The following TMEM213 variants were observed in gnomAD, a reference collection of about 807,000 sequenced individuals.
The protein encoded by TMEM213 is transmembrane protein 213.
TMEM213 carries 7 observed loss-of-function variants against 11.6 expected under a neutral mutation model. The ratio of observed to expected loss-of-function variants is 0.60; its 90% confidence interval spans 0.34 to 1.13. The LOEUF is 1.13. Ranked by LOEUF, TMEM213 falls within the 50% of genes most tolerant of loss-of-function variation. The pLI is 0.03. For missense variants in TMEM213, 129 were observed against 139.0 expected, an observed-to-expected ratio of 0.93 and a Z score of 0.36; for synonymous variants, 60 against 58.3, an observed-to-expected ratio of 1.03 and a Z score of -0.13.
Position 138,798,302 on chromosome 7 carries a change from G to A in TMEM213, c.82+116G>A, listed in dbSNP as rs372305831. On this transcript the variant is annotated intron_variant, in intron 1 of 2. Coordinates refer to ENST00000442682, the MANE Select transcript of TMEM213 (RefSeq NM_001085429.2). ...ATTCTTTGGCCAGGGTTGGTCCTGC[G>A]CAAAGGAAGGAGGAAACAGAACTTT... 1.9e-4 allele frequency: 122 copies of A among 647,478 alleles called. No homozygotes were observed. The African/African-American group carries it at 2.5e-3, about 13-fold the overall frequency. The allele number at this position is 647,478 out of a possible 1,614,324, so 40.1% of individuals were successfully genotyped here.
chr7:138,805,413 G>C lies in TMEM213; in HGVS notation c.*2344G>C, dbSNP rs1316677405. 7.0e-6 allele frequency: 1 copy of C among 143,366 alleles called. No homozygotes were observed. Among genetic ancestry groups the C allele is most frequent in the African/African-American group, 2.6e-5 (1 of 38,856 alleles). The allele number at this position is 143,366 out of a possible 1,614,324, so 8.9% of individuals were successfully genotyped here. A position where few individuals can be genotyped will look rare whatever the true frequency, so the allele number is the denominator to read the frequency against. ...CTGTCTGGAAAAAAAAAAAAAAAAAGCGTCTGCATAATTCCTGGTGCATTT... is the reference window on the plus strand; with the variant it reads ...CTGTCTGGAAAAAAAAAAAAAAAAACCGTCTGCATAATTCCTGGTGCATTT... On this transcript the variant is annotated 3_prime_UTR_variant, in exon 3 of 3. Transcript: ENST00000442682.
Position 138,802,953 on chromosome 7 carries a change from T to C in TMEM213, c.208T>C (p.Tyr70His). The C allele has an allele frequency of 6.2e-7, 1 of 1,611,930 alleles. No individual in the cohort carries two copies. Among genetic ancestry groups the C allele is most frequent in the Non-Finnish European group, 8.5e-7 (1 of 1,179,288 alleles). The change falls in exon 3 of 3, where the codon TAC becomes CAC. Residue 70 changes from tyrosine to histidine, a missense_variant. Transcript: ENST00000442682. ...ARCCRTGVDE[Y>H]GWIAAAVGWS... ...GTGCTGCCGCACAGGAGTGGACGAG[T>C]ACGGCTGGATCGCGGCAGCTGTTGG...
intron 1 of TMEM213, chr7:138,799,485 T>C (rs1226875007): frequency 6.6e-6 from 1 of 152,208 alleles, no homozygotes; most frequent in African/African-American, 2.4e-5. Flanking sequence ...TTTAAATTCT[T>C]AGGAATTTTC....
In TMEM213 at chr7:138,802,876, T is replaced by C. The variant is rs747102756; in HGVS notation, c.155-24T>C. Reference sequence around the variant, plus strand: ...GCAGGGCTGGTGGTGCATGCCGTCGTCCTTGCTGTCCCTTCCCCACCAGAC... The same window carrying C: ...GCAGGGCTGGTGGTGCATGCCGTCGCCCTTGCTGTCCCTTCCCCACCAGAC... On this transcript the variant is annotated intron_variant, in intron 2 of 2. Coordinates refer to ENST00000442682, the MANE Select transcript of TMEM213 (RefSeq NM_001085429.2). 15 of 1,531,202 alleles carry C rather than the reference T, an allele frequency of 9.8e-6. No individual in the cohort carries two copies. The South Asian group carries it at 1.9e-4, about 20-fold the overall frequency. 94.9% of individuals were successfully genotyped at this position (1,531,202 alleles called of 1,614,324 possible).
chr7:138,802,092 G>A (rs1808965771), intron 2 of TMEM213, among the ~76,000 whole-genome samples: 1 of 152,062 alleles, frequency 6.6e-6, no homozygotes, highest in Non-Finnish European at 1.5e-5. Context: ...CTTGAACCTG[G>A]GAGGCAGAGG....
chr7:138,805,185 T>TA lies in TMEM213; in HGVS notation c.*2120dup, dbSNP rs1809056478. On this transcript the variant is annotated 3_prime_UTR_variant, in exon 3 of 3. Coordinates refer to ENST00000442682, the MANE Select transcript of TMEM213 (RefSeq NM_001085429.2). The stretch of plus-strand genomic sequence containing the variant: ...CCTAAGTGTTAAATGATCACATACA[T>TA]AAAAGAGTCTGAGCCTGAGCAACAT... 1 of 140,686 alleles carries TA rather than the reference T, an allele frequency of 7.1e-6. No homozygotes were observed. The highest frequency in any genetic ancestry group is 2.7e-5 in the African/African-American group (1 of 36,584). 8.7% of individuals were successfully genotyped at this position (140,686 alleles called of 1,614,324 possible). A position where few individuals can be genotyped will look rare whatever the true frequency, so the allele number is the denominator to read the frequency against.
chr7:138,800,217 GGGTCTA>G (rs1177950498), intron 1 of TMEM213, among the ~76,000 whole-genome samples: 1 of 152,112 alleles, frequency 6.6e-6, no homozygotes, highest in Non-Finnish European at 1.5e-5. Context: ...CCCTTGGCAT[GGGTCTA>G]ATGTAAACAA....
In TMEM213 at chr7:138,802,926, C is replaced by T. The variant is rs773227771; in HGVS notation, c.181C>T (p.Arg61Trp). 5.6e-6 allele frequency: 9 copies of T among 1,594,970 alleles called. No individual in the cohort carries two copies. Among genetic ancestry groups the T allele is most frequent in the Middle Eastern group, 1.7e-4 (1 of 5,980 alleles). ...LNVDFCPQAA[R>W]CCRTGVDEYG... ...CGTGGACTTCTGCCCACAAGCAGCC[C>T]GGTGCTGCCGCACAGGAGTGGACGA... The change falls in exon 3 of 3, where the codon CGG becomes TGG. Residue 61 changes from arginine (R) to tryptophan (W), a missense_variant. By Grantham distance (101) the Arg-to-Trp change is moderately radical. Transcript: ENST00000442682.
intron 1 of TMEM213, chr7:138,798,443 C>A: frequency 1.8e-6 from 1 of 540,556 alleles, no homozygotes. Flanking sequence ...GAGCAGCCAC[C>A]TCTCTTGGCC....
At chr7:138,800,469 A>G (rs1808897953) in intron 1 of TMEM213, among the ~76,000 whole-genome samples, 3 of 152,048 alleles carry the variant, frequency 2.0e-5, no homozygotes, top group Non-Finnish European at 4.4e-5. Flanking sequence ...TCATGAATCA[A>G]TCTATGTGCT....
intron 1 of TMEM213, among the ~76,000 whole-genome samples, chr7:138,801,004 C>T (rs554821299): frequency 1.3e-5 from 2 of 152,084 alleles, no homozygotes; most frequent in East Asian, 3.9e-4. Context: ...TGGCCTCTTC[C>T]TCATCTTATA....
rs772926294 is a variant in TMEM213 at position 138,798,026 on chromosome 7, C to T, written c.-79C>T. ...CTTTCCAGCTCCTGCAGGTGGGAGT[C>T]GACTCACCTGCAGCAGGCACTCGGC... On this transcript the variant is annotated 5_prime_UTR_variant, in exon 1 of 3. Coordinates refer to ENST00000442682, the MANE Select transcript of TMEM213 (RefSeq NM_001085429.2). 81 of 1,551,684 alleles carry T rather than the reference C, an allele frequency of 5.2e-5. No individual in the cohort carries two copies. The highest frequency in any genetic ancestry group is 6.4e-5 in the Non-Finnish European group (74 of 1,147,470).
At position 138,805,172 on chromosome 7, in the gene TMEM213, AT is replaced by A. The variant is rs1287915729; in HGVS notation, c.*2104del. ...TGGATTTCTTGTTCCTAAGTGTTAA[AT>A]GATCACATACATAAAAGAGTCTGAG... On this transcript the variant is annotated 3_prime_UTR_variant, in exon 3 of 3. Coordinates refer to ENST00000442682, the MANE Select transcript of TMEM213 (RefSeq NM_001085429.2). 1.3e-5 allele frequency: 2 copies of A among 151,538 alleles called. No individual in the cohort carries two copies. Among genetic ancestry groups the A allele is most frequent in the Admixed American group, 6.6e-5 (1 of 15,174 alleles). 9.4% of individuals were successfully genotyped at this position (151,538 alleles called of 1,614,324 possible).
chr7:138,801,183 T>G (rs771752394), intron 1 of TMEM213, 144 bp from the exon 2 acceptor site: 24 of 727,920 alleles, frequency 3.3e-5, no homozygotes, highest in Non-Finnish European at 5.4e-5. Context: ...TTAGCTTTGT[T>G]GCAGAAAGCC....
chr7:138,803,269 CT>C lies in TMEM213; in HGVS notation c.*201del. ...CCTTGCATGTCACTCCCAAGGGCCC[CT>C]GGGCTGTGCCCAGGTAACTCCTCTC... On this transcript the variant is annotated 3_prime_UTR_variant, in exon 3 of 3. Coordinates refer to ENST00000442682, the MANE Select transcript of TMEM213 (RefSeq NM_001085429.2). 1.6e-6 allele frequency: 1 copy of C among 618,518 alleles called. No individual in the cohort carries two copies. The highest frequency in any genetic ancestry group is 2.0e-5 in the South Asian group (1 of 50,740). 38.3% of individuals were successfully genotyped at this position (618,518 alleles called of 1,614,324 possible).
Position 138,804,168 on chromosome 7 carries a change from G to A in TMEM213, c.*1099G>A, listed in dbSNP as rs772875252. 3.3e-5 allele frequency: 5 copies of A among 152,248 alleles called. No homozygotes were observed. Among genetic ancestry groups the A allele is most frequent in the South Asian group, 2.1e-4 (1 of 4,822 alleles). The allele number at this position is 152,248 out of a possible 1,614,324, so 9.4% of individuals were successfully genotyped here. A position where few individuals can be genotyped will look rare whatever the true frequency, so the allele number is the denominator to read the frequency against. On this transcript the variant is annotated 3_prime_UTR_variant, in exon 3 of 3. Coordinates refer to ENST00000442682, the MANE Select transcript of TMEM213 (RefSeq NM_001085429.2). The stretch of plus-strand genomic sequence containing the variant: ...CACTGTCTTGAGGATCTTCCTCCCC[G>A]GCTCATCACTCCCCATGGGCAGCTG...
chr7:138,798,853 T>C (rs1584962205), intron 1 of TMEM213, among the ~76,000 whole-genome samples: 1 of 152,188 alleles, frequency 6.6e-6, no homozygotes, highest in African/African-American at 2.4e-5. Flanking sequence ...TACCATCTTC[T>C]GCTCCTGGCT....
intron 1 of TMEM213, among the ~76,000 whole-genome samples, chr7:138,800,176 T>C (rs1808885102): frequency 6.6e-6 from 1 of 152,162 alleles, no homozygotes. Context: ...GCTTCCAATA[T>C]GGTAGCCACT....
Position 138,803,100 on chromosome 7 carries a change from G to T in TMEM213, c.*31G>T, listed in dbSNP as rs371461710. ...AGGCTCGGTGCACAAAATGGTGATC[G>T]CCACCAATTTGTGGCTAATGGGGAA... is the stretch of plus-strand genomic sequence containing the variant. On this transcript the variant is annotated 3_prime_UTR_variant, in exon 3 of 3. Transcript: ENST00000442682. 6.2e-7 allele frequency: 1 copy of T among 1,603,878 alleles called. No individual in the cohort carries two copies. Among genetic ancestry groups the T allele is most frequent in the East Asian group, 2.2e-5 (1 of 44,600 alleles).
Sources: gnomAD v4.1 joint callset for allele counts (sites outside exome capture counted in the v4.1 genomes callset) on GRCh38, gnomAD v4.1.1 for gene constraint, MANE v1.5 for transcripts, NCBI Gene and HGNC (gene_info 2026-07-23, HGNC 2026-07-21) for gene names.